The following NRG3 variants were observed in gnomAD, a reference collection of about 807,000 sequenced individuals.
NRG3 encodes neuregulin 3.
Under a neutral mutation model 66.9 loss-of-function variants are expected in NRG3, and 31 were observed. That is an observed-to-expected ratio of 0.46 (90% CI 0.35 to 0.63). The LOEUF (loss-of-function observed/expected upper bound fraction) is 0.63. NRG3 is among the 20% of genes least tolerant of loss of function. The pLI, the probability that NRG3 is intolerant of heterozygous loss-of-function variation, is 0.00. For synonymous variants in NRG3, 393 were observed against 359.4 expected, an observed-to-expected ratio of 1.09 and a Z score of -1.06; for missense variants, 910 against 878.9, an observed-to-expected ratio of 1.04 and a Z score of -0.45.
At chr10:82,934,405 T>G (rs182484803) in intron 4 of NRG3, among the ~76,000 whole-genome samples, 237 of 152,316 alleles carry the variant, frequency 1.6e-3, no homozygotes, top group African/African-American at 5.6e-3. Flanking sequence ...CCAATCACCT[T>G]GTGGGTCATG....
At chr10:82,975,381 A>G (rs979385037) in intron 7 of NRG3, among the ~76,000 whole-genome samples, 3 of 152,232 alleles carry the variant, frequency 2.0e-5, no homozygotes, top group African/African-American at 7.2e-5. Context: ...GTTTTAAAAC[A>G]TCAGCTCTTA....
At chr10:82,170,661 TA>T (rs1346449711) in intron 1 of NRG3, among the ~76,000 whole-genome samples, 1 of 80,872 alleles carries the variant, frequency 1.2e-5, no homozygotes, top group Non-Finnish European at 2.2e-5. Context: ...GTGGTATATA[TA>T]TATATATATA....
chr10:81,976,951 C>T (rs575903763), intron 1 of NRG3, among the ~76,000 whole-genome samples: 18 of 152,142 alleles, frequency 1.2e-4, no homozygotes, highest in Non-Finnish European at 2.2e-4. Flanking sequence ...TTTTTCCTTC[C>T]TCATAATGTG....
At chr10:82,638,519 T>A (rs2050348404) in intron 2 of NRG3, among the ~76,000 whole-genome samples, 1 of 152,200 alleles carries the variant, frequency 6.6e-6, no homozygotes, top group South Asian at 2.1e-4. Flanking sequence ...GAATTGTGAC[T>A]TATGTCCCAG....
At chr10:82,633,573 G>A (rs1250451810) in intron 2 of NRG3, among the ~76,000 whole-genome samples, 1 of 152,158 alleles carries the variant, frequency 6.6e-6, no homozygotes, top group African/African-American at 2.4e-5. Flanking sequence ...ATTAGTATTA[G>A]TGCAGTCCAC....
chr10:82,962,042 GA>G (rs1850697222), intron 6 of NRG3, among the ~76,000 whole-genome samples: 1 of 152,162 alleles, frequency 6.6e-6, no homozygotes, highest in Admixed American at 6.5e-5. Flanking sequence ...AACATTCATG[GA>G]AATGGGTTTC....
intron 1 of NRG3, among the ~76,000 whole-genome samples, chr10:82,247,085 G>A (rs1475823042): frequency 6.6e-6 from 1 of 152,172 alleles, no homozygotes; most frequent in Non-Finnish European, 1.5e-5. Context: ...GTTGCCCTTG[G>A]AAGTGAGGGG....
intron 2 of NRG3, among the ~76,000 whole-genome samples, chr10:82,731,367 A>AG (rs2057894521): frequency 1.0e-4 from 2 of 19,144 alleles, no homozygotes; most frequent in Non-Finnish European, 2.3e-4. Context: ...ACTCTGTCTC[A>AG]AAAAAAAAAA....
At chr10:82,274,601 T>A (rs61863041) in intron 1 of NRG3, among the ~76,000 whole-genome samples, 16,276 of 152,042 alleles carry the variant, frequency 0.11, 1,033 homozygotes, top group Non-Finnish European at 0.15. Flanking sequence ...AAACATTTCA[T>A]TCATACCATT....
chr10:82,142,748 C>T (rs2069896251), intron 1 of NRG3, among the ~76,000 whole-genome samples: 2 of 112,376 alleles, frequency 1.8e-5, no homozygotes, highest in Admixed American at 8.7e-5. Flanking sequence ...TGTGAGAGTC[C>T]TCTCTCTCTC....
intron 1 of NRG3, among the ~76,000 whole-genome samples, chr10:82,201,612 AGTT>A (rs2074830019): frequency 6.6e-6 from 1 of 152,084 alleles, no homozygotes; most frequent in African/African-American, 2.4e-5. Context: ...GAACTGAAAA[AGTT>A]GTCTTTTTTT....
chr10:82,140,177 A>C lies in NRG3; in HGVS notation c.824-218562A>C, dbSNP rs116400114. Among the ~76,000 whole-genome samples, 575 of 152,268 alleles carry C rather than the reference A, an allele frequency of 3.8e-3. 3 individuals carry two copies. Among genetic ancestry groups the C allele is most frequent in the African/African-American group, 0.013 (546 of 41,572 alleles). ...AGTCAATGCTCTATTTTTTCTATGA[A>C]AATTCAACTTCCTAGTCGACTCTTT... is the stretch of plus-strand genomic sequence containing the variant. On this transcript the variant is annotated intron_variant, in intron 1 of 8. Coordinates refer to ENST00000372141, the MANE Select transcript of NRG3 (RefSeq NM_001010848.4).
intron 3 of NRG3, among the ~76,000 whole-genome samples, chr10:82,753,440 C>G (rs1046837761): frequency 2.0e-5 from 3 of 151,760 alleles, no homozygotes; most frequent in Non-Finnish European, 4.4e-5. Context: ...TTCTTTTGAT[C>G]TTTGCATTTT....
intron 3 of NRG3, among the ~76,000 whole-genome samples, chr10:82,802,390 T>A (rs1277276871): frequency 6.6e-6 from 1 of 152,144 alleles, no homozygotes; most frequent in Non-Finnish European, 1.5e-5. Flanking sequence ...CTCTGCATGA[T>A]CTAACTTTTT....
intron 2 of NRG3, among the ~76,000 whole-genome samples, chr10:82,639,910 C>T (rs555418577): frequency 2.0e-5 from 3 of 152,254 alleles, no homozygotes; most frequent in African/African-American, 7.2e-5. Context: ...TCCCGATCCT[C>T]TCCCTCCTCC....
intron 1 of NRG3, among the ~76,000 whole-genome samples, chr10:82,231,173 T>A (rs1647747301): frequency 6.6e-6 from 1 of 152,008 alleles, no homozygotes. Context: ...TGAAACCCCG[T>A]CTCTACTAAA....
chr10:82,936,475 G>A (rs1848076527), intron 4 of NRG3, among the ~76,000 whole-genome samples: 3 of 152,180 alleles, frequency 2.0e-5, no homozygotes, highest in Non-Finnish European at 4.4e-5. Context: ...GGGTCGGGGA[G>A]ATGTTGGTCA....
intron 2 of NRG3, among the ~76,000 whole-genome samples, chr10:82,411,156 T>G (rs2088052346): frequency 6.6e-6 from 1 of 152,084 alleles, no homozygotes; most frequent in African/African-American, 2.4e-5. Context: ...CCTCAGGTGA[T>G]CTACCTGCTT....
At chr10:82,313,380 AAAAT>A (rs1360439817) in intron 1 of NRG3, among the ~76,000 whole-genome samples, 3 of 151,992 alleles carry the variant, frequency 2.0e-5, no homozygotes, top group East Asian at 3.9e-4. Context: ...AAATAAAATA[AAAAT>A]AAATAAATGG....
Sources: allele counts gnomAD v4.1 joint callset (sites outside exome capture counted in the v4.1 genomes callset), GRCh38; gene constraint gnomAD v4.1.1; transcripts MANE v1.5; gene names NCBI Gene and HGNC (gene_info 2026-07-23, HGNC 2026-07-21).